OLAH: variants seen among roughly 807,000 people sequenced by gnomAD.
The protein encoded by OLAH is oleoyl-ACP hydrolase.
A neutral mutation model predicts 27.8 loss-of-function variants in OLAH; 33 were observed. The ratio of observed to expected loss-of-function variants is 1.19; its 90% CI spans 0.90 to 1.59. The LOEUF is 1.59. OLAH is among the 40% of genes most tolerant of loss of function. OLAH has a pLI of 0.00. For missense variants in OLAH, 359 were observed against 310.8 expected (o/e 1.16, Z -1.17); for synonymous variants, 120 against 102.9 (o/e 1.17, Z -1.01).
At chr10:15,045,708 A>G (rs1048293611) in intron 1 of OLAH, among the ~76,000 whole-genome samples, 19 of 152,196 alleles carry the variant, frequency 1.2e-4, no homozygotes, top group African/African-American at 3.9e-4. Context: ...GAAAGTCACA[A>G]CTGAGCTTGA....
At chr10:15,043,050 T>C (rs377062826), upstream of OLAH, among the ~76,000 whole-genome samples, 92 of 151,788 alleles carry the variant, frequency 6.1e-4, no homozygotes, top group Admixed American at 9.2e-4. Context: ...TTAGTAGAGA[T>C]GGGGTTTCAC....
At chr10:15,041,960 C>T (rs1204630143), upstream of OLAH, among the ~76,000 whole-genome samples, 1 of 151,752 alleles carries the variant, frequency 6.6e-6, no homozygotes, top group East Asian at 1.9e-4. Flanking sequence ...CTGGCATCTC[C>T]ATCTAACTTT....
intron 6 of OLAH, among the ~76,000 whole-genome samples, chr10:15,070,739 C>G (rs1361165300): frequency 6.6e-6 from 1 of 151,846 alleles, no homozygotes; most frequent in Non-Finnish European, 1.5e-5. Flanking sequence ...CCTCGGCCCC[C>G]CAAAGTGCTG....
Position 15,065,636 on chromosome 10 carries a change from T to G in OLAH, c.455T>G (p.Ile152Arg). 1.9e-6 allele frequency: 3 copies of G among 1,612,038 alleles called. No individual in the cohort carries two copies. Among genetic ancestry groups the G allele is most frequent in the Non-Finnish European group, 2.5e-6 (3 of 1,179,596 alleles). ...PKDDELSEEQ[I>R]SHYLMEFGGT... The stretch of plus-strand genomic sequence containing the variant: ...GATGATGAATTGTCAGAAGAACAAA[T>G]AAGTCATTACCTTATGGAATTTGGA... The change falls in exon 6 of 8, where the codon ATA becomes AGA. Residue 152 changes from isoleucine (I) to arginine (R), a missense_variant. Physicochemically the swap from Ile to Arg is moderately conservative, Grantham distance 97 (BLOSUM62 -3). Coordinates refer to ENST00000378228, the MANE Select transcript of OLAH (RefSeq NM_001039702.3).
At chr10:15,050,831 G>C (rs865863374) in intron 3 of OLAH, among the ~76,000 whole-genome samples, 2 of 151,600 alleles carry the variant, frequency 1.3e-5, no homozygotes, top group Non-Finnish European at 2.9e-5. Context: ...GTGAGCCACC[G>C]CGCCTGGCCC....
intron 6 of OLAH, among the ~76,000 whole-genome samples, chr10:15,067,351 G>A (rs888260519): frequency 2.6e-5 from 4 of 151,158 alleles, no homozygotes; most frequent in East Asian, 2.0e-4. Flanking sequence ...TTTCTTTAAC[G>A]GTCTGTGTCT....
intron 6 of OLAH, among the ~76,000 whole-genome samples, chr10:15,070,780 C>CTT (rs71390010): frequency 1.5e-3 from 150 of 99,860 alleles, no homozygotes; most frequent in Non-Finnish European, 2.0e-3. Flanking sequence ...CACGCCTGAA[C>CTT]TTTTTTTTTT....
chr10:15,033,125 C>T (rs766148035), intron 1 of OLAH, among the ~76,000 whole-genome samples: 3 of 152,024 alleles, frequency 2.0e-5, no homozygotes, highest in Non-Finnish European at 2.9e-5. Context: ...GATCCACCTG[C>T]CTCGGCCTCC....
upstream of OLAH, among the ~76,000 whole-genome samples, chr10:15,041,173 T>A (rs1843913046): frequency 1.3e-5 from 2 of 152,264 alleles, no homozygotes; most frequent in Admixed American, 6.5e-5. Context: ...AGCTTCTCTT[T>A]CCTGGATTAG....
chr10:15,068,484 C>T (rs998358100), intron 6 of OLAH, among the ~76,000 whole-genome samples: 3 of 152,186 alleles, frequency 2.0e-5, no homozygotes, highest in African/African-American at 7.2e-5. Context: ...CCTCCGTCTC[C>T]TGGGTTCAAG....
chr10:15,056,838 C>T (rs1844254748), intron 3 of OLAH: 1 of 1,501,314 alleles, frequency 6.7e-7, no homozygotes, highest in Non-Finnish European at 8.9e-7. Context: ...AGCATCTCAC[C>T]ATGTTGCCAA....
At chr10:15,045,393 T>G (rs1232805038) in intron 1 of OLAH, among the ~76,000 whole-genome samples, 1 of 152,228 alleles carries the variant, frequency 6.6e-6, no homozygotes, top group Non-Finnish European at 1.5e-5. Flanking sequence ...TCTGACTGCC[T>G]ATTTTTCTTG....
chr10:15,055,059 G>C (rs901381098), intron 3 of OLAH, among the ~76,000 whole-genome samples: 2 of 152,052 alleles, frequency 1.3e-5, no homozygotes, highest in African/African-American at 4.8e-5. Context: ...CTGCCTCCAG[G>C]GTTCAAGTGA....
Position 15,073,300 on chromosome 10 carries a change from A to C in OLAH, c.*71A>C. ...CTTCTCAGTTATTCAGATATAGCTC[A>C]GTTTTATTCAGATTGGAAATTACAC... is the stretch of plus-strand genomic sequence containing the variant. On this transcript the variant is annotated 3_prime_UTR_variant, in exon 8 of 8. Transcript: ENST00000378228. 1 of 985,952 alleles carries C rather than the reference A, an allele frequency of 1.0e-6. No homozygotes were observed. 61.1% of individuals were successfully genotyped at this position (985,952 alleles called of 1,614,324 possible). A position where few individuals can be genotyped will look rare whatever the true frequency, so the allele number is the denominator to read the frequency against.
At chr10:15,068,358 G>T (rs1250392203) in intron 6 of OLAH, among the ~76,000 whole-genome samples, 1 of 152,040 alleles carries the variant, frequency 6.6e-6, no homozygotes, top group Non-Finnish European at 1.5e-5. Flanking sequence ...TTAACAATGG[G>T]TTATTTCTTG....
upstream of OLAH, among the ~76,000 whole-genome samples, chr10:15,042,418 G>T (rs1843935877): frequency 6.6e-6 from 1 of 152,152 alleles, no homozygotes; most frequent in African/African-American, 2.4e-5. Context: ...CTCCTGAAGT[G>T]CTAGGATTAT....
At chr10:15,041,778 G>C (rs111451199), upstream of OLAH, among the ~76,000 whole-genome samples, 19,494 of 151,790 alleles carry the variant, frequency 0.13, 1,356 homozygotes, top group South Asian at 0.26. Flanking sequence ...GTTTCACCAT[G>C]TTGGCCAGGC....
At chr10:15,057,395 C>CTTTTT (rs10717821) in intron 3 of OLAH, among the ~76,000 whole-genome samples, 5 of 93,218 alleles carry the variant, frequency 5.4e-5, no homozygotes, top group Non-Finnish European at 8.0e-5. Flanking sequence ...TATTTCTGGG[C>CTTTTT]TTTTTTTTTT....
intron 3 of OLAH, among the ~76,000 whole-genome samples, chr10:15,054,201 C>T (rs1048669074): frequency 2.0e-5 from 3 of 152,000 alleles, no homozygotes; most frequent in Non-Finnish European, 4.4e-5. Flanking sequence ...CCACCATGCC[C>T]AGTTGATTTT....
Sources: gnomAD v4.1 joint callset for allele counts (sites outside exome capture counted in the v4.1 genomes callset) on GRCh38, gnomAD v4.1.1 for gene constraint, MANE v1.5 for transcripts, NCBI Gene and HGNC (gene_info 2026-07-23, HGNC 2026-07-21) for gene names.